Variants in SMOC2 observed in about 807,000 individuals in gnomAD.
SMOC2 encodes the protein SPARC related modular calcium binding 2.
Under a neutral mutation model 61.4 loss-of-function variants are expected in SMOC2, and 39 were observed. That is an observed-to-expected ratio of 0.64 (90% confidence interval 0.49 to 0.83). The LOEUF (loss-of-function observed/expected upper bound fraction) is 0.83. Ranked by LOEUF, SMOC2 falls within the 40% of genes least tolerant of loss-of-function variation. The pLI, the probability that SMOC2 is intolerant of heterozygous loss-of-function variation, is 0.00. For synonymous variants in SMOC2, 247 were observed against 239.9 expected, an observed-to-expected ratio of 1.03 and a Z score of -0.27; for missense variants, 556 against 592.9, an observed-to-expected ratio of 0.94 and a Z score of 0.65.
chr6:168,666,306 G>T, intron 12 of SMOC2, 115 bp from the exon 13 acceptor site: 1 of 1,172,004 alleles, frequency 8.5e-7, no homozygotes, highest in Admixed American at 2.0e-5. Context: ...CACCTCACAT[G>T]ACCTGCCCAG....
intron 9 of SMOC2, among the ~76,000 whole-genome samples, chr6:168,614,317 G>C (rs1785987848): frequency 1.4e-5 from 1 of 73,796 alleles, no homozygotes; most frequent in African/African-American, 6.0e-5. Flanking sequence ...AGCCAGCACA[G>C]GGCCTCTTCA....
Position 168,549,184 on chromosome 6 carries a change from C to A in SMOC2, c.618C>A (p.Asn206Lys). ...CTGAACAGGTTAAAAGTCGGCAGAACAAAACCAATAAGAATTCAGGTAAGA... is the reference window on the plus strand; with the variant it reads ...CTGAACAGGTTAAAAGTCGGCAGAAAAAAACCAATAAGAATTCAGGTAAGA... The part of the protein sequence containing the change: ...LWTEQVKSRQ[N>K]KTNKNSVSSC... Residue 206 changes from asparagine (N) to lysine (K), a missense_variant, in exon 7 of 13, where the codon AAC becomes AAA. Physicochemically the swap from Asn to Lys is moderately conservative, Grantham distance 94. Transcript: ENST00000356284. 1 of 1,614,040 alleles carries A rather than the reference C, an allele frequency of 6.2e-7. No homozygotes were observed. Among genetic ancestry groups the A allele is most frequent in the Non-Finnish European group, 8.5e-7 (1 of 1,179,976 alleles).
intron 9 of SMOC2, among the ~76,000 whole-genome samples, chr6:168,618,697 C>A (rs1435061664): frequency 6.6e-6 from 1 of 152,060 alleles, no homozygotes; most frequent in Non-Finnish European, 1.5e-5. Context: ...TAGGAATGTC[C>A]CGCATGGGGT....
intron 1 of SMOC2, among the ~76,000 whole-genome samples, chr6:168,499,754 T>G (rs1160615337): frequency 6.6e-6 from 1 of 152,200 alleles, no homozygotes; most frequent in African/African-American, 2.4e-5. Context: ...AGCTACACAT[T>G]TCATTTTTTT....
rs1357653276 is a variant in SMOC2, at chr6:168,453,751, G to T, written c.84+12297G>T. On this transcript the variant is annotated intron_variant, in intron 1 of 12. Transcript: ENST00000356284. The surrounding 1 kb of genome is among the most constrained non-coding windows in gnomAD (Gnocchi z 4.4). ...CATCTCTGTCTATCTCTGTCTCTCTGTCTCCCTCTTTCTCTGTCTCTCTGA... is the reference window on the plus strand; with the variant it reads ...CATCTCTGTCTATCTCTGTCTCTCTTTCTCCCTCTTTCTCTGTCTCTCTGA... Among the ~76,000 whole-genome samples, 2 of 151,026 alleles carry T rather than the reference G, an allele frequency of 1.3e-5. No homozygotes were observed. The highest frequency in any genetic ancestry group is 2.9e-5 in the Non-Finnish European group (2 of 67,814).
chr6:168,606,537 AC>A (rs1238869462), intron 8 of SMOC2, among the ~76,000 whole-genome samples: 3 of 152,084 alleles, frequency 2.0e-5, no homozygotes, highest in African/African-American at 7.2e-5. Flanking sequence ...CTCTGTTAGA[AC>A]ACTTTAAATA....
Position 168,448,748 on chromosome 6 carries a change from G to C in SMOC2, c.84+7294G>C, listed in dbSNP as rs78833367. ...CATAAGCCTTGCGATACATATTTACGTTTTAAAGTAAAGTACTAATTAACA... is the reference window on the plus strand; with the variant it reads ...CATAAGCCTTGCGATACATATTTACCTTTTAAAGTAAAGTACTAATTAACA... On this transcript the variant is annotated intron_variant, in intron 1 of 12. Transcript: ENST00000356284. Among the ~76,000 whole-genome samples the C allele has an allele frequency of 2.0e-5, 3 of 152,088 alleles. No individual in the cohort carries two copies. The South Asian group carries it at 6.2e-4, about 32-fold the overall frequency.
chr6:168,497,292 G>A (rs1194170558), intron 1 of SMOC2, among the ~76,000 whole-genome samples: 1 of 152,240 alleles, frequency 6.6e-6, no homozygotes, highest in East Asian at 1.9e-4. Context: ...GTGTTCCTGG[G>A]TGACCCTGTG....
At chr6:168,620,154 A>G (rs915155569) in intron 9 of SMOC2, among the ~76,000 whole-genome samples, 2 of 152,184 alleles carry the variant, frequency 1.3e-5, no homozygotes. Flanking sequence ...TTCTTTAGCT[A>G]TCGGTATTTC....
At chr6:168,540,836 G>A (rs568729538) in intron 4 of SMOC2, among the ~76,000 whole-genome samples, 37 of 152,074 alleles carry the variant, frequency 2.4e-4, no homozygotes, top group African/African-American at 8.0e-4. Context: ...GGGGTGAGCC[G>A]CAGGCTTGTT....
At chr6:168,588,146 T>G (rs1394863736) in intron 7 of SMOC2, among the ~76,000 whole-genome samples, 1 of 146,266 alleles carries the variant, frequency 6.8e-6, no homozygotes, top group African/African-American at 2.5e-5. Context: ...TTTTTTGAGA[T>G]GGAGTCTCGC....
chr6:168,518,693 T>G (rs1254277437), intron 2 of SMOC2, among the ~76,000 whole-genome samples: 1 of 143,246 alleles, frequency 7.0e-6, no homozygotes, highest in Non-Finnish European at 1.6e-5. Flanking sequence ...TGAATGTGTA[T>G]GAGCGTGCAT....
At chr6:168,663,258 C>T (rs1274454496) in intron 11 of SMOC2, among the ~76,000 whole-genome samples, 2 of 152,140 alleles carry the variant, frequency 1.3e-5, no homozygotes, top group African/African-American at 4.8e-5. Context: ...GGAGACTTTC[C>T]CAGGAAGCTC....
At chr6:168,581,342 T>C (rs2115158740) in intron 7 of SMOC2, among the ~76,000 whole-genome samples, 1 of 152,260 alleles carries the variant, frequency 6.6e-6, no homozygotes, top group African/African-American at 2.4e-5. Context: ...TACGGGGACA[T>C]CTGTGACAGG....
intron 9 of SMOC2, among the ~76,000 whole-genome samples, chr6:168,650,002 C>T (rs759135122): frequency 3.8e-4 from 58 of 152,058 alleles, no homozygotes; most frequent in Non-Finnish European, 7.1e-4. Context: ...AATTCCTAAC[C>T]GGTGGGAGAG....
intron 9 of SMOC2, among the ~76,000 whole-genome samples, chr6:168,641,564 C>G (rs1204025669): frequency 6.6e-6 from 1 of 152,214 alleles, no homozygotes; most frequent in Non-Finnish European, 1.5e-5. Context: ...AACTTATTAG[C>G]TGTGATAAAT....
intron 9 of SMOC2, among the ~76,000 whole-genome samples, chr6:168,615,870 A>C (rs1222793712): frequency 6.6e-6 from 1 of 151,004 alleles, no homozygotes; most frequent in Non-Finnish European, 1.5e-5. Flanking sequence ...TTTTTCAGAC[A>C]CGATTTTAGC....
chr6:168,638,183 G>A (rs1245575660), intron 9 of SMOC2, among the ~76,000 whole-genome samples: 1 of 152,024 alleles, frequency 6.6e-6, no homozygotes, highest in Non-Finnish European at 1.5e-5. Context: ...CAGCTGATTG[G>A]GCCACAGACT....
chr6:168,572,415 T>C (rs1354364156), intron 7 of SMOC2, among the ~76,000 whole-genome samples: 1 of 8,176 alleles, frequency 1.2e-4, no homozygotes, highest in Admixed American at 6.4e-4. Flanking sequence ...GAACGCGATG[T>C]TCATTTCCTC....
Sources: gnomAD v4.1 joint callset for allele counts (sites outside exome capture counted in the v4.1 genomes callset) on GRCh38, gnomAD v4.1.1 for gene constraint, Gnocchi (gnomAD v3.1) non-coding constraint, MANE v1.5 for transcripts, NCBI Gene and HGNC (gene_info 2026-07-23, HGNC 2026-07-21) for gene names.